GPHN: variants seen among roughly 807,000 people sequenced by gnomAD.
The protein encoded by GPHN is gephyrin.
A neutral mutation model predicts 95.5 loss-of-function variants in GPHN; 17 were observed. That is an observed-to-expected ratio of 0.18 (90% CI 0.12 to 0.27). The LOEUF is 0.27. GPHN is among the 10% of genes least tolerant of loss of function. The pLI, the probability that GPHN is intolerant of heterozygous loss-of-function variation, is 1.00. For missense variants in GPHN, 660 were observed against 978.1 expected, an observed-to-expected ratio of 0.67 and a Z score of 4.34; for synonymous variants, 320 against 322.5, an observed-to-expected ratio of 0.99 and a Z score of 0.08.
chr14:67,642,267 C>T, the GPHN span: 7 of 1,614,062 alleles, frequency 4.3e-6, no homozygotes, highest in Non-Finnish European at 5.9e-6. Context: ...ATAGTGAATC[C>T]ACGCTCAGTG....
At chr14:67,545,567 G>T in the GPHN span, among the ~76,000 whole-genome samples, 1 of 152,144 alleles carries the variant, frequency 6.6e-6, no homozygotes, top group Non-Finnish European at 1.5e-5. Context: ...AAGGACAAAT[G>T]AAGTGGCAGA....
chr14:66,562,002 C>T (rs2060273270), intron 1 of GPHN, among the ~76,000 whole-genome samples: 1 of 152,092 alleles, frequency 6.6e-6, no homozygotes, highest in Non-Finnish European at 1.5e-5. Flanking sequence ...CTGCCATTTG[C>T]CCTATTCTCT....
chr14:67,651,160 C>A, the GPHN span: 1 of 976,056 alleles, frequency 1.0e-6, no homozygotes, highest in Non-Finnish European at 1.5e-6. Context: ...TTAAAGAAGT[C>A]ATAAACAGCA....
chr14:66,616,705 A>T (rs1040422377), intron 1 of GPHN, among the ~76,000 whole-genome samples: 1 of 151,950 alleles, frequency 6.6e-6, no homozygotes, highest in African/African-American at 2.4e-5. Flanking sequence ...GGCATGGGGA[A>T]CAGGACCCCT....
chr14:67,408,920 T>C, the GPHN span, among the ~76,000 whole-genome samples: 1 of 152,120 alleles, frequency 6.6e-6, no homozygotes, highest in African/African-American at 2.4e-5. Flanking sequence ...TTTCAGTTTT[T>C]TCGCCACATA....
the GPHN span, among the ~76,000 whole-genome samples, chr14:67,275,546 A>T: frequency 6.6e-6 from 1 of 152,170 alleles, no homozygotes; most frequent in Non-Finnish European, 1.5e-5. Flanking sequence ...AGATTTTCGC[A>T]TCGACATTCA....
intron 4 of GPHN, among the ~76,000 whole-genome samples, chr14:66,875,916 A>G (rs1439425546): frequency 6.6e-6 from 1 of 152,198 alleles, no homozygotes; most frequent in Non-Finnish European, 1.5e-5. Flanking sequence ...ATAGACATCT[A>G]CAGAACTCTC....
At chr14:67,095,408 G>A (rs141884530) in intron 12 of GPHN, among the ~76,000 whole-genome samples, 7,247 of 151,942 alleles carry the variant, frequency 0.048, 196 homozygotes, top group Middle Eastern at 0.068. Flanking sequence ...ATACCATTTG[G>A]CCCAGCCATC....
intron 1 of GPHN, among the ~76,000 whole-genome samples, chr14:66,607,526 C>G (rs1337365417): frequency 6.6e-6 from 1 of 151,550 alleles, no homozygotes; most frequent in Non-Finnish European, 1.5e-5. Flanking sequence ...AGTTAGGGAG[C>G]AGGGGGAGTC....
At chr14:67,137,585 G>A (rs1400998518) in intron 17 of GPHN, among the ~76,000 whole-genome samples, 1 of 152,126 alleles carries the variant, frequency 6.6e-6, no homozygotes, top group Non-Finnish European at 1.5e-5. Flanking sequence ...GCAACATGGT[G>A]AAACCCTGTC....
chr14:66,776,032 G>A (rs2059370380), intron 2 of GPHN, among the ~76,000 whole-genome samples: 1 of 152,050 alleles, frequency 6.6e-6, no homozygotes, highest in African/African-American at 2.4e-5. Context: ...GGGAAGGAAG[G>A]GCAGAAATAT....
At chr14:67,320,527 C>G in the GPHN span, 1 of 844,560 alleles carries the variant, frequency 1.2e-6, no homozygotes, top group Non-Finnish European at 1.7e-6. Flanking sequence ...GAACTTTAAC[C>G]AAAGATTTTG....
At chr14:66,726,677 CTG>C (rs1240947809) in intron 2 of GPHN, among the ~76,000 whole-genome samples, 4 of 152,228 alleles carry the variant, frequency 2.6e-5, no homozygotes, top group South Asian at 4.1e-4. Flanking sequence ...ATAACAAAGT[CTG>C]TATTTGCACA....
rs564555226 is a variant in GPHN, at chr14:66,562,198, C to T, written c.64+53607C>T. Among the ~76,000 whole-genome samples, 6 of 152,070 alleles carry T rather than the reference C, an allele frequency of 3.9e-5. No individual in the cohort carries two copies. In the East Asian group the frequency reaches 1.2e-3, roughly 29 times the overall value. On this transcript the variant is annotated intron_variant, in intron 1 of 22. Transcript: ENST00000478722. ...CTCTCCTAAGTTCTGTCTCTGGGGT[C>T]CTGTAAATTAGACTGATAAGAGACA...
intron 1 of GPHN, among the ~76,000 whole-genome samples, chr14:66,526,438 T>G (rs888509390): frequency 6.6e-6 from 1 of 152,212 alleles, no homozygotes; most frequent in African/African-American, 2.4e-5. Flanking sequence ...CAGAGACAAT[T>G]TGACTTCCTC....
the GPHN span, among the ~76,000 whole-genome samples, chr14:67,213,834 C>T: frequency 6.6e-6 from 1 of 152,140 alleles, no homozygotes; most frequent in African/African-American, 2.4e-5. Flanking sequence ...CTGTTGTTTC[C>T]TGACTTTTTA....
intron 1 of GPHN, among the ~76,000 whole-genome samples, chr14:66,513,525 G>A (rs1386936018): frequency 6.6e-6 from 1 of 151,600 alleles, no homozygotes; most frequent in African/African-American, 2.4e-5. Flanking sequence ...TCTGTAAATA[G>A]GATTGAAGAA....
chr14:67,690,141 GT>G, the GPHN span: 3 of 1,403,978 alleles, frequency 2.1e-6, no homozygotes, highest in South Asian at 3.6e-5. Flanking sequence ...TCTGGAAACA[GT>G]TTCCATTCCT....
the GPHN span, chr14:67,365,077 G>T: frequency 7.0e-7 from 1 of 1,437,602 alleles, no homozygotes; most frequent in Admixed American, 2.5e-5. Flanking sequence ...TACATTTTTT[G>T]TAAATTGCAA....
Sources: gnomAD v4.1 joint callset for allele counts (sites outside exome capture counted in the v4.1 genomes callset) on GRCh38, gnomAD v4.1.1 for gene constraint, MANE v1.5 for transcripts, NCBI Gene and HGNC (gene_info 2026-07-23, HGNC 2026-07-21) for gene names.